The following SLCO3A1 variants were observed in gnomAD, a reference collection of about 807,000 sequenced individuals.
SLCO3A1 encodes the protein solute carrier organic anion transporter family member 3A1, also known as PGE1 transporter.
A neutral mutation model predicts 63.1 loss-of-function variants in SLCO3A1; 27 were observed. The ratio of observed to expected loss-of-function variants is 0.43; its 90% CI spans 0.32 to 0.59. The LOEUF is 0.59. Among genes scored for constraint, SLCO3A1 ranks in the 20% least tolerant of loss-of-function variants. SLCO3A1 has a pLI of 0.09. For synonymous variants in SLCO3A1, 473 were observed against 409.9 expected (o/e 1.15, Z -1.86); for missense variants, 773 against 945.8 (o/e 0.82, Z 2.40).
Position 92,163,419 on chromosome 15 carries a change from TGACA to T in SLCO3A1, c.*286_*289del, listed in dbSNP as rs561354023. The T allele has an allele frequency of 1.0e-4, 108 of 1,081,774 alleles. No individual in the cohort carries two copies. In the African/African-American group the frequency reaches 1.7e-3, roughly 17 times the overall value. 67.0% of individuals were successfully genotyped at this position (1,081,774 alleles called of 1,614,324 possible). On this transcript the variant is annotated 3_prime_UTR_variant, in exon 10 of 10. Transcript: ENST00000318445. ...AGGCACCTCATGGTTTTCAGGATGC[TGACA>T]GCTGCAAGCAACAGGCACTGCCAAA...
intron 2 of SLCO3A1, among the ~76,000 whole-genome samples, chr15:92,091,498 A>T (rs971819456): frequency 1.3e-5 from 2 of 152,202 alleles, no homozygotes; most frequent in Admixed American, 6.5e-5. Context: ...TAAGGGGGAA[A>T]CCAAGGAAGA....
At chr15:92,119,931 T>G (rs77092578) in intron 4 of SLCO3A1, among the ~76,000 whole-genome samples, 1,627 of 152,298 alleles carry the variant, frequency 0.011, 28 homozygotes, top group African/African-American at 0.037. Context: ...TTATTAGGCA[T>G]GTACACATTT....
At chr15:91,927,174 G>A (rs1482751906) in intron 2 of SLCO3A1, among the ~76,000 whole-genome samples, 6 of 152,092 alleles carry the variant, frequency 3.9e-5, no homozygotes, top group Admixed American at 6.5e-5. Flanking sequence ...CCACTCCCCC[G>A]AAAATTCCTT....
intron 9 of SLCO3A1, among the ~76,000 whole-genome samples, chr15:92,151,651 C>A (rs2048307568): frequency 1.3e-5 from 2 of 152,206 alleles, no homozygotes; most frequent in Non-Finnish European, 2.9e-5. Flanking sequence ...GGCCTGGTTC[C>A]CAGCTATGCC....
intron 2 of SLCO3A1, among the ~76,000 whole-genome samples, chr15:91,926,390 G>A (rs978589425): frequency 3.9e-5 from 6 of 152,268 alleles, no homozygotes; most frequent in Middle Eastern, 3.4e-3. Context: ...TCAATGGCTC[G>A]TTTATTGAAT....
intron 1 of SLCO3A1, among the ~76,000 whole-genome samples, chr15:91,915,089 G>A (rs542786458): frequency 3.9e-4 from 59 of 152,206 alleles, no homozygotes; most frequent in African/African-American, 1.4e-3. Flanking sequence ...AAGAAGCCCT[G>A]TAAGAATGCA....
chr15:91,873,128 G>A (rs1897317732), intron 1 of SLCO3A1, among the ~76,000 whole-genome samples: 1 of 152,198 alleles, frequency 6.6e-6, no homozygotes, highest in Non-Finnish European at 1.5e-5. Flanking sequence ...TGTTCAACAA[G>A]CGATCATTTT....
chr15:91,910,680 A>T (rs1349000816), intron 1 of SLCO3A1, among the ~76,000 whole-genome samples: 1 of 152,192 alleles, frequency 6.6e-6, no homozygotes, highest in Non-Finnish European at 1.5e-5. Flanking sequence ...CCTGCTCCAG[A>T]CTTACACTGA....
chr15:92,154,022 C>A (rs1026784429), intron 9 of SLCO3A1, among the ~76,000 whole-genome samples: 4 of 152,154 alleles, frequency 2.6e-5, no homozygotes, highest in Admixed American at 6.5e-5. Context: ...TGGGCTTTAA[C>A]CAGAGAGTGA....
rs1555424451 is a variant in SLCO3A1 at position 92,016,258 on chromosome 15, A to ATAGAT, written c.647-78622_647-78618dup. Among the ~76,000 whole-genome samples the ATAGAT allele has an allele frequency of 2.7e-3, 340 of 126,184 alleles. 3 individuals carry two copies. Among genetic ancestry groups the ATAGAT allele is most frequent in the Middle Eastern group, 8.1e-3 (2 of 246 alleles). The allele number at this position is 126,184 out of a possible 152,430, so 82.8% of individuals were successfully genotyped here. A position where few individuals can be genotyped will look rare whatever the true frequency, so the allele number is the denominator to read the frequency against. ...ATAGATAGATAGATAGATAGATTAG[A>ATAGAT]TAGATAGATAGATAGATAGATAGAT... On this transcript the variant is annotated intron_variant, in intron 2 of 9. Coordinates refer to ENST00000318445, the MANE Select transcript of SLCO3A1 (RefSeq NM_013272.4).
At chr15:92,130,848 C>T (rs1294588721) in intron 7 of SLCO3A1, among the ~76,000 whole-genome samples, 1 of 150,388 alleles carries the variant, frequency 6.6e-6, no homozygotes, top group East Asian at 2.0e-4. Flanking sequence ...TCCCTCGCCC[C>T]CTTTTTTCTC....
intron 2 of SLCO3A1, among the ~76,000 whole-genome samples, chr15:92,014,982 G>A (rs150869422): frequency 6.6e-6 from 1 of 152,282 alleles, no homozygotes; most frequent in Non-Finnish European, 1.5e-5. Flanking sequence ...TCCCCCAAAA[G>A]GCTGATGCAT....
intron 2 of SLCO3A1, among the ~76,000 whole-genome samples, chr15:92,003,023 A>G (rs2046273458): frequency 6.6e-6 from 1 of 152,182 alleles, no homozygotes; most frequent in African/African-American, 2.4e-5. Context: ...AAGTGAGGCA[A>G]GGATATCACT....
chr15:92,047,103 T>A (rs1442106875), intron 2 of SLCO3A1, among the ~76,000 whole-genome samples: 23 of 10,882 alleles, frequency 2.1e-3, no homozygotes, highest in African/African-American at 8.3e-3. Context: ...TATATACAAA[T>A]ATATATATAA....
intron 4 of SLCO3A1, among the ~76,000 whole-genome samples, chr15:92,111,867 A>G (rs1449112585): frequency 1.3e-5 from 2 of 152,200 alleles, no homozygotes; most frequent in Admixed American, 6.5e-5. Flanking sequence ...AGCAGCAATA[A>G]CAGAAGGATG....
intron 2 of SLCO3A1, among the ~76,000 whole-genome samples, chr15:92,093,331 A>G (rs2047499876): frequency 6.6e-6 from 1 of 152,192 alleles, no homozygotes; most frequent in Admixed American, 6.5e-5. Context: ...AGCAAGAGGG[A>G]GAAGGGGAGG....
chr15:92,170,676 G>C (rs984591220), downstream of SLCO3A1, among the ~76,000 whole-genome samples: 2 of 152,216 alleles, frequency 1.3e-5, no homozygotes, highest in Non-Finnish European at 2.9e-5. Context: ...GTTTCATAGA[G>C]AAGTGAGCCA....
intron 2 of SLCO3A1, among the ~76,000 whole-genome samples, chr15:91,960,382 A>G (rs1338543527): frequency 1.3e-5 from 2 of 152,126 alleles, no homozygotes; most frequent in Non-Finnish European, 2.9e-5. Flanking sequence ...TGTTCATTCA[A>G]CCATTGATGG....
intron 2 of SLCO3A1, among the ~76,000 whole-genome samples, chr15:91,926,596 T>TGTGTGG: frequency 3.8e-5 from 4 of 105,256 alleles, no homozygotes; most frequent in African/African-American, 1.5e-4. Flanking sequence ...TGTGTGTGTG[T>TGTGTGG]GCGCGCGCGC....
Sources: allele counts gnomAD v4.1 joint callset (sites outside exome capture counted in the v4.1 genomes callset), GRCh38; gene constraint gnomAD v4.1.1; transcripts MANE v1.5; gene names NCBI Gene and HGNC (gene_info 2026-07-23, HGNC 2026-07-21).